AATF: variants seen among roughly 807,000 people sequenced by gnomAD.
The protein encoded by AATF is protein AATF.
AATF carries 48 observed loss-of-function variants against 63.7 expected under a neutral mutation model. The observed-to-expected ratio is 0.75, with a 90% CI of 0.60 to 0.96. AATF has a LOEUF of 0.96. Among genes scored for constraint, AATF ranks in the 40% least tolerant of loss-of-function variants. The probability of loss-of-function intolerance (pLI) is 0.00; values close to 1 mark genes in which losing one functional copy is unlikely to be tolerated. For synonymous variants in AATF, 258 were observed against 247.7 expected (o/e 1.04, Z -0.39); for missense variants, 639 against 685.7 (o/e 0.93, Z 0.76).
chr17:36,974,068 C>CA (rs71159673), intron 4 of AATF, among the ~76,000 whole-genome samples: 31,409 of 121,548 alleles, frequency 0.26, 3,870 homozygotes, highest in African/African-American at 0.39. Context: ...GAGTCCATCT[C>CA]AAAAAAAAAA....
At chr17:37,031,415 T>C (rs566680988) in intron 10 of AATF, 199 bp from the exon 11 acceptor site, 2 of 600,342 alleles carry the variant, frequency 3.3e-6, no homozygotes, top group Non-Finnish European at 6.0e-6. Context: ...CCTGGAACCA[T>C]TCCTCCACAG....
At chr17:36,997,880 A>C (rs2071266325) in intron 8 of AATF, among the ~76,000 whole-genome samples, 1 of 152,242 alleles carries the variant, frequency 6.6e-6, no homozygotes. Flanking sequence ...TATATGATGG[A>C]ATACTACAGA....
chr17:36,963,115 C>CAAACA (rs964970128), intron 4 of AATF, among the ~76,000 whole-genome samples: 7 of 152,058 alleles, frequency 4.6e-5, no homozygotes, highest in Admixed American at 1.3e-4. Flanking sequence ...AACTCTGTCT[C>CAAACA]AAACAAAACA....
chr17:37,019,112 T>C, intron 9 of AATF, 40 bp downstream of exon 9: 4 of 1,540,174 alleles, frequency 2.6e-6, no homozygotes, highest in Non-Finnish European at 3.6e-6. Context: ...AAGCAGCCTA[T>C]GTAATAGTTT....
intron 10 of AATF, among the ~76,000 whole-genome samples, chr17:37,027,427 A>G (rs1415692418): frequency 3.9e-5 from 6 of 152,132 alleles, no homozygotes; most frequent in Non-Finnish European, 8.8e-5. Context: ...ACAGATTACT[A>G]AATGGTCTTT....
In AATF at chr17:37,056,615, GCT is replaced by G; in HGVS notation, c.1639_1640del (p.Leu547PhefsTer45). 6.2e-7 allele frequency: 1 copy of G among 1,614,140 alleles called. No individual in the cohort carries two copies. Among genetic ancestry groups the G allele is most frequent in the Non-Finnish European group, 8.5e-7 (1 of 1,180,016 alleles). On this transcript the variant is annotated frameshift_variant, in exon 12 of 12. Transcript: ENST00000619387. LOFTEE classifies it high-confidence loss of function. Reference sequence around the variant, plus strand: ...TTGTCTTTTAGGACAGAACTGTACCGCTCTCTTTTTGGCCAGCTCCACCCTCC... The same window carrying G: ...TTGTCTTTTAGGACAGAACTGTACCGCTCTTTTTGGCCAGCTCCACCCTCC...
chr17:36,974,347 A>G (rs1365671772), intron 4 of AATF, among the ~76,000 whole-genome samples: 4 of 152,172 alleles, frequency 2.6e-5, no homozygotes, highest in Admixed American at 6.5e-5. Context: ...ATGATAGCAT[A>G]GAGTTTCCAT....
intron 11 of AATF, among the ~76,000 whole-genome samples, chr17:37,047,515 C>T (rs2071703537): frequency 6.6e-6 from 1 of 152,176 alleles, no homozygotes; most frequent in African/African-American, 2.4e-5. Flanking sequence ...CCTCCCTGTT[C>T]CCCAGCCTCT....
In AATF at chr17:37,004,099, G is replaced by A. The variant is rs139151150; in HGVS notation, c.1398+13242G>A. Among the ~76,000 whole-genome samples the A allele has an allele frequency of 9.3e-3, 1,417 of 152,028 alleles. 29 individuals are homozygous for A. Among genetic ancestry groups the A allele is most frequent in the African/African-American group, 0.033 (1,353 of 41,448 alleles). On this transcript the variant is annotated intron_variant, in intron 8 of 11. Transcript: ENST00000619387. ...AATCCTAGCACTTTGGGAGGCCGAG[G>A]CAGGTGGATCACTTGAGGTCAGGAG...
intron 11 of AATF, chr17:37,051,071 T>C (rs373543111): frequency 3.3e-5 from 5 of 152,186 alleles, no homozygotes; most frequent in African/African-American, 9.7e-5. Flanking sequence ...ATACCTGGCC[T>C]ATGAGTCACT....
At position 36,957,929 on chromosome 17, in the gene AATF, A is replaced by G. The variant is rs182084635; in HGVS notation, c.832+4022A>G. The stretch of plus-strand genomic sequence containing the variant: ...CTAAACTCTACTTTTCAGAAACTAA[A>G]TGAATATCTCCTTCCTCTCCACACA... On this transcript the variant is annotated intron_variant, in intron 4 of 11. Coordinates refer to ENST00000619387, the MANE Select transcript of AATF (RefSeq NM_012138.4). Among the ~76,000 whole-genome samples, 24 of 152,292 alleles carry G rather than the reference A, an allele frequency of 1.6e-4. 1 individual carries two copies. The highest frequency in any genetic ancestry group is 2.9e-5 in the Non-Finnish European group (2 of 68,032).
chr17:37,041,234 C>CA (rs1446966670), intron 11 of AATF, among the ~76,000 whole-genome samples: 1 of 152,056 alleles, frequency 6.6e-6, no homozygotes, highest in Non-Finnish European at 1.5e-5. Flanking sequence ...TTTTTAAAAG[C>CA]ATTTTAATAA....
At chr17:36,973,598 C>T (rs748771567) in intron 4 of AATF, among the ~76,000 whole-genome samples, 1 of 152,180 alleles carries the variant, frequency 6.6e-6, no homozygotes, top group Non-Finnish European at 1.5e-5. Context: ...TTCAGTTTTT[C>T]TAAAGATGCT....
chr17:37,011,376 A>T (rs1597724945), intron 8 of AATF, among the ~76,000 whole-genome samples: 1 of 152,334 alleles, frequency 6.6e-6, no homozygotes, highest in East Asian at 1.9e-4. Flanking sequence ...CTCTGCCTCA[A>T]AAACAAAAAA....
chr17:36,950,202 C>G lies in AATF; in HGVS notation c.92-12C>G, dbSNP rs1263131942. The G allele has an allele frequency of 1.4e-5, 23 of 1,609,888 alleles. No homozygotes were observed. The highest frequency in any genetic ancestry group is 1.9e-5 in the Non-Finnish European group (22 of 1,176,694). On this transcript the variant is annotated splice_polypyrimidine_tract_variant and intron_variant, in intron 1 of 11. Coordinates refer to ENST00000619387, the MANE Select transcript of AATF (RefSeq NM_012138.4). ...CTGGAGATTCTGTTTACTTTTCCCTCTCCCCCGACAGCCACTGCTGCCAGG... is the reference window on the plus strand; with the variant it reads ...CTGGAGATTCTGTTTACTTTTCCCTGTCCCCCGACAGCCACTGCTGCCAGG...
intron 4 of AATF, among the ~76,000 whole-genome samples, chr17:36,965,471 T>C (rs2070984162): frequency 6.6e-6 from 1 of 152,184 alleles, no homozygotes; most frequent in Non-Finnish European, 1.5e-5. Context: ...CTTAATTATA[T>C]CTGCAAAGTC....
chr17:37,043,145 C>T, intron 11 of AATF: 1 of 152,162 alleles, frequency 6.6e-6, no homozygotes, highest in Non-Finnish European at 1.5e-5. Context: ...TCACCTTCCT[C>T]CAATATCACA....
At chr17:37,036,084 T>C (rs1341471353) in intron 11 of AATF, among the ~76,000 whole-genome samples, 2 of 152,112 alleles carry the variant, frequency 1.3e-5, no homozygotes, top group Non-Finnish European at 2.9e-5. Flanking sequence ...ACCACCACAC[T>C]CCACTAATTT....
chr17:37,031,354 ATT>A, intron 10 of AATF: 1 of 506,850 alleles, frequency 2.0e-6, no homozygotes. Context: ...ATACTATGCC[ATT>A]TTATATAAGG....
Sources: allele counts gnomAD v4.1 joint callset (sites outside exome capture counted in the v4.1 genomes callset), GRCh38; gene constraint gnomAD v4.1.1; transcripts MANE v1.5; gene names NCBI Gene and HGNC (gene_info 2026-07-23, HGNC 2026-07-21).